LEF1: variants seen among roughly 807,000 people sequenced by gnomAD.
LEF1 encodes lymphoid enhancer binding factor 1, also known as lymphoid enhancer-binding factor 1.
In LEF1, 14 loss-of-function variants were observed where a neutral mutation model predicts 51.2. The ratio of observed to expected loss-of-function variants is 0.27; its 90% CI spans 0.18 to 0.43. LEF1 has a LOEUF of 0.43. LEF1 is among the 20% of genes least tolerant of loss of function. The probability of loss-of-function intolerance (pLI) is 1.00; values close to 1 mark genes in which losing one functional copy is unlikely to be tolerated. For synonymous variants in LEF1, 185 were observed against 183.2 expected, an observed-to-expected ratio of 1.01 and a Z score of -0.08; for missense variants, 386 against 512.0, an observed-to-expected ratio of 0.75 and a Z score of 2.37.
chr4:108,135,404 G>C (rs1176483917), intron 3 of LEF1, among the ~76,000 whole-genome samples: 1 of 152,224 alleles, frequency 6.6e-6, no homozygotes, highest in Non-Finnish European at 1.5e-5. Flanking sequence ...GCCTGGAAGA[G>C]TGATAAAGGG....
intron 3 of LEF1, among the ~76,000 whole-genome samples, chr4:108,152,739 T>C (rs151129314): frequency 2.0e-5 from 3 of 152,362 alleles, no homozygotes; most frequent in Non-Finnish European, 4.4e-5. Context: ...TAGTGTGTGA[T>C]TCAGGACATT....
chr4:108,079,897 T>C (rs1217620179), intron 6 of LEF1, among the ~76,000 whole-genome samples: 1 of 152,226 alleles, frequency 6.6e-6, no homozygotes, highest in African/African-American at 2.4e-5. Context: ...AAGACTTGAC[T>C]TTTTAAATGA....
At chr4:108,149,280 A>C (rs1243949676) in intron 3 of LEF1, among the ~76,000 whole-genome samples, 43 of 150,538 alleles carry the variant, frequency 2.9e-4, no homozygotes, top group African/African-American at 9.5e-4. Context: ...TAACGCGGTG[A>C]AACCCCGCCT....
At chr4:108,104,825 G>T (rs7671583) in intron 3 of LEF1, 123,520 of 230,024 alleles carry the variant, frequency 0.54, 33,730 homozygotes, top group Middle Eastern at 0.66. Context: ...TGACTCTCTG[G>T]GGGCATGCCG....
At chr4:108,137,467 G>T (rs1743372114) in intron 3 of LEF1, among the ~76,000 whole-genome samples, 1 of 152,200 alleles carries the variant, frequency 6.6e-6, no homozygotes, top group Non-Finnish European at 1.5e-5. Context: ...ATTTTTCAAT[G>T]TGGAGTTTTT....
At chr4:108,054,977 C>T (rs1197910139) in intron 11 of LEF1, among the ~76,000 whole-genome samples, 1 of 152,198 alleles carries the variant, frequency 6.6e-6, no homozygotes, top group East Asian at 1.9e-4. Flanking sequence ...CTCTCAGTAA[C>T]ATGGTAGCTT....
intron 3 of LEF1, among the ~76,000 whole-genome samples, chr4:108,092,493 T>G (rs1740089070): frequency 6.6e-6 from 1 of 152,192 alleles, no homozygotes; most frequent in African/African-American, 2.4e-5. Flanking sequence ...CCCAAAAATC[T>G]GCAGGCTTCC....
chr4:108,119,225 C>T (rs924284567), intron 3 of LEF1, among the ~76,000 whole-genome samples: 2 of 149,120 alleles, frequency 1.3e-5, no homozygotes, highest in Admixed American at 6.8e-5. Flanking sequence ...AAAAGTCAGT[C>T]CTTGGGTTCT....
chr4:108,134,955 C>T (rs1743157222), intron 3 of LEF1, among the ~76,000 whole-genome samples: 1 of 152,104 alleles, frequency 6.6e-6, no homozygotes, highest in Admixed American at 6.5e-5. Flanking sequence ...TTTCAAATTC[C>T]CATATGACAA....
chr4:108,137,818 A>G (rs1743394135), intron 3 of LEF1, among the ~76,000 whole-genome samples: 1 of 152,208 alleles, frequency 6.6e-6, no homozygotes, highest in South Asian at 2.1e-4. Flanking sequence ...TAAAAACTTA[A>G]TATTGTCCTA....
intron 11 of LEF1, among the ~76,000 whole-genome samples, chr4:108,060,658 G>A (rs747867489): frequency 8.5e-5 from 13 of 152,048 alleles, no homozygotes; most frequent in African/African-American, 2.2e-4. Context: ...CCACCTCCTC[G>A]GAGGTGCCTT....
chr4:108,078,849 T>C (rs1040924787), intron 7 of LEF1, among the ~76,000 whole-genome samples: 3 of 152,072 alleles, frequency 2.0e-5, no homozygotes, highest in Admixed American at 6.5e-5. Flanking sequence ...CTTTAGACCT[T>C]TTCCCCCAAA....
At chr4:108,160,158 T>G (rs1952071434) in intron 3 of LEF1, among the ~76,000 whole-genome samples, 1 of 152,224 alleles carries the variant, frequency 6.6e-6, no homozygotes, top group Non-Finnish European at 1.5e-5. Context: ...CACAGTGCAT[T>G]AGGCCAGTGG....
intron 3 of LEF1, among the ~76,000 whole-genome samples, chr4:108,115,846 T>TACACACAC (rs55839332): frequency 0.16 from 22,386 of 139,208 alleles, 2,067 homozygotes; most frequent in Non-Finnish European, 0.21. Flanking sequence ...ATGTAACACA[T>TACACACAC]ACACACACAC....
intron 9 of LEF1, among the ~76,000 whole-genome samples, chr4:108,068,369 G>A (rs1214995326): frequency 1.3e-5 from 2 of 152,226 alleles, no homozygotes; most frequent in South Asian, 2.1e-4. Context: ...TGAAGTCAGA[G>A]TGACCTGGGT....
At chr4:108,151,686 G>C (rs921160208) in intron 3 of LEF1, among the ~76,000 whole-genome samples, 2 of 152,118 alleles carry the variant, frequency 1.3e-5, no homozygotes, top group African/African-American at 4.8e-5. Context: ...GGATTAAATG[G>C]GCTAACGCAC....
chr4:108,070,356 T>C (rs1490374653), intron 9 of LEF1: 1 of 200,166 alleles, frequency 5.0e-6, no homozygotes, highest in African/African-American at 2.3e-5. Context: ...TTATTACTAA[T>C]GTTGCCTTTA....
intron 3 of LEF1, among the ~76,000 whole-genome samples, chr4:108,159,547 A>C (rs1361466565): frequency 6.6e-6 from 1 of 152,218 alleles, no homozygotes; most frequent in Non-Finnish European, 1.5e-5. Context: ...TATTTATGTG[A>C]TTATTTTCAA....
intron 3 of LEF1, among the ~76,000 whole-genome samples, chr4:108,108,109 C>G (rs1257127443): frequency 6.6e-6 from 1 of 152,116 alleles, no homozygotes; most frequent in Non-Finnish European, 1.5e-5. Flanking sequence ...TCGATGAGAC[C>G]CAACCATCTA....
Sources: allele counts gnomAD v4.1 joint callset (sites outside exome capture counted in the v4.1 genomes callset), GRCh38; gene constraint gnomAD v4.1.1; transcripts MANE v1.5; gene names NCBI Gene and HGNC (gene_info 2026-07-23, HGNC 2026-07-21).